Variants in HCN1 observed in about 807,000 individuals in gnomAD.
The protein encoded by HCN1 is hyperpolarization activated cyclic nucleotide gated potassium channel 1.
Under a neutral mutation model 78.9 loss-of-function variants are expected in HCN1, and 13 were observed. The ratio of observed to expected loss-of-function variants is 0.16; its 90% CI spans 0.11 to 0.26. The LOEUF (loss-of-function observed/expected upper bound fraction) is 0.26. HCN1 is among the 10% of genes least tolerant of loss of function. HCN1 has a pLI of 1.00. For missense variants in HCN1, 810 were observed against 1,154.3 expected (o/e 0.70, Z 4.32); for synonymous variants, 552 against 455.5 (o/e 1.21, Z -2.70).
chr5:45,476,174 ACTCT>A (rs995457930), intron 2 of HCN1, among the ~76,000 whole-genome samples: 2 of 151,606 alleles, frequency 1.3e-5, no homozygotes, highest in South Asian at 2.1e-4. Flanking sequence ...TCTCTCTTTC[ACTCT>A]CTCTCTCTGT....
intron 3 of HCN1, among the ~76,000 whole-genome samples, chr5:45,458,276 G>T (rs188358412): frequency 1.3e-5 from 2 of 151,684 alleles, no homozygotes; most frequent in Admixed American, 1.3e-4. Context: ...TAATATTTAA[G>T]AATAAAAATA....
At chr5:45,540,353 A>C (rs1743077200) in intron 2 of HCN1, among the ~76,000 whole-genome samples, 1 of 149,414 alleles carries the variant, frequency 6.7e-6, no homozygotes, top group South Asian at 2.1e-4. Flanking sequence ...AGAGAGAGAG[A>C]GTCTCACTCT....
At chr5:45,450,720 T>C (rs1462586151) in intron 3 of HCN1, among the ~76,000 whole-genome samples, 1 of 152,174 alleles carries the variant, frequency 6.6e-6, no homozygotes, top group Non-Finnish European at 1.5e-5. Context: ...TCCATAAACT[T>C]ATATTGTTTA....
intron 4 of HCN1, among the ~76,000 whole-genome samples, chr5:45,363,771 C>T (rs1022621310): frequency 6.6e-6 from 1 of 151,952 alleles, no homozygotes; most frequent in Non-Finnish European, 1.5e-5. Flanking sequence ...GCTTTTGCTT[C>T]CTCCTCATTT....
rs745319945 is a variant in HCN1 at position 45,260,641 on chromosome 5, T to C, written c.*1280A>G. 1.3e-5 allele frequency: 2 copies of C among 152,610 alleles called. No individual in the cohort carries two copies. Among genetic ancestry groups the C allele is most frequent in the Non-Finnish European group, 2.9e-5 (2 of 68,020 alleles). 9.5% of individuals were successfully genotyped at this position (152,610 alleles called of 1,614,324 possible). On this transcript the variant is annotated 3_prime_UTR_variant, in exon 8 of 8. Transcript: ENST00000303230. The stretch of plus-strand genomic sequence containing the variant: ...AATTTATTTCTTTAAATTAATACCA[T>C]AGTAAATTACCAGCTACAGTGAAGA...
At chr5:45,619,337 C>A (rs559340813) in intron 2 of HCN1, among the ~76,000 whole-genome samples, 1 of 152,062 alleles carries the variant, frequency 6.6e-6, no homozygotes, top group African/African-American at 2.4e-5. Context: ...AACTATGGAT[C>A]CCTAGAAAAA....
chr5:45,415,936 T>G lies in HCN1; in HGVS notation c.1012-19226A>C, dbSNP rs1288029151. On this transcript the variant is annotated intron_variant, in intron 3 of 7. Transcript: ENST00000303230. The stretch of plus-strand genomic sequence containing the variant: ...ATGTCATCCTGTTTGATAATGTACC[T>G]TAAGTTATGTTGTAAGTTAAAAAGC... Among the ~76,000 whole-genome samples, 3 of 152,036 alleles carry G rather than the reference T, an allele frequency of 2.0e-5. No individual in the cohort carries two copies. In the South Asian group the frequency reaches 6.2e-4, roughly 31 times the overall value.
rs183404592 is a variant in HCN1 at position 45,302,171 on chromosome 5, A to G, written c.1618+1428T>C. 5.9e-5 allele frequency among the ~76,000 whole-genome samples: 9 copies of G among 152,156 alleles called. No individual in the cohort carries two copies. The East Asian group carries it at 1.7e-3, about 30-fold the overall frequency. ...GTCCCCCCAACAAATTTCATCTCAA[A>G]TTGTAATCACCATGTGTTAAGGGCG... On this transcript the variant is annotated intron_variant, in intron 6 of 7. Transcript: ENST00000303230.
Position 45,319,561 on chromosome 5 carries a change from T to C in HCN1, c.1378-15722A>G, listed in dbSNP as rs570356290. ...TTTCCCCCTTTTTCTATGTTAAGAGTTCTTCTTATACTCTTGACATGAGTT... is the reference window on the plus strand; with the variant it reads ...TTTCCCCCTTTTTCTATGTTAAGAGCTCTTCTTATACTCTTGACATGAGTT... On this transcript the variant is annotated intron_variant, in intron 5 of 7. Coordinates refer to ENST00000303230, the MANE Select transcript of HCN1 (RefSeq NM_021072.4). Among the ~76,000 whole-genome samples, 336 of 151,600 alleles carry C rather than the reference T, an allele frequency of 2.2e-3. 3 individuals are homozygous for C. Among genetic ancestry groups the C allele is most frequent in the African/African-American group, 7.9e-3 (326 of 41,452 alleles).
intron 1 of HCN1, among the ~76,000 whole-genome samples, chr5:45,682,121 A>T (rs1739712190): frequency 6.6e-6 from 1 of 152,020 alleles, no homozygotes; most frequent in South Asian, 2.1e-4. Context: ...CACACCAGAT[A>T]GCAAATCAAC....
Position 45,586,563 on chromosome 5 carries a change from T to C in HCN1, c.849+58622A>G, listed in dbSNP as rs140434685. Among the ~76,000 whole-genome samples the C allele has an allele frequency of 7.3e-3, 1,113 of 152,256 alleles. 7 individuals carry two copies. Among genetic ancestry groups the C allele is most frequent in the Middle Eastern group, 0.017 (5 of 294 alleles). On this transcript the variant is annotated intron_variant, in intron 2 of 7. Coordinates refer to ENST00000303230, the MANE Select transcript of HCN1 (RefSeq NM_021072.4). ...CACTGTCTGACACTCCCCAGTAAGA[T>C]GAACCCGGTACCTCAGTTGGAAATG...
At chr5:45,376,046 T>C (rs1391351524) in intron 4 of HCN1, among the ~76,000 whole-genome samples, 4 of 112,936 alleles carry the variant, frequency 3.5e-5, no homozygotes, top group South Asian at 2.6e-4. Context: ...TATTTTATAA[T>C]ATATATTATA....
chr5:45,359,313 G>A (rs1747066147), intron 4 of HCN1, among the ~76,000 whole-genome samples: 1 of 151,216 alleles, frequency 6.6e-6, no homozygotes, highest in South Asian at 2.1e-4. Flanking sequence ...CATCAAATCA[G>A]AGGGAACTTT....
At chr5:45,385,280 C>T (rs555051040) in intron 4 of HCN1, among the ~76,000 whole-genome samples, 2 of 152,014 alleles carry the variant, frequency 1.3e-5, no homozygotes, top group South Asian at 2.1e-4. Context: ...TTACATTGCT[C>T]ATAGGAGGGA....
At chr5:45,277,175 A>C (rs753040638) in intron 6 of HCN1, among the ~76,000 whole-genome samples, 8 of 152,118 alleles carry the variant, frequency 5.3e-5, no homozygotes, top group Non-Finnish European at 1.0e-4. Context: ...CTTGCCATTT[A>C]TGGGAAAGAT....
In HCN1 at chr5:45,469,668, A is replaced by C. The variant is rs191046571; in HGVS notation, c.850-7661T>G. 6.2e-4 allele frequency among the ~76,000 whole-genome samples: 95 copies of C among 152,048 alleles called. 1 individual carries two copies. Among genetic ancestry groups the C allele is most frequent in the African/African-American group, 2.2e-3 (90 of 41,524 alleles). On this transcript the variant is annotated intron_variant, in intron 2 of 7. Transcript: ENST00000303230. ...TTATTTTCTGAAGTTTTTTTCTAAA[A>C]TTTATCCTGAGAATTCAAAATAAAA...
intron 4 of HCN1, among the ~76,000 whole-genome samples, chr5:45,362,938 T>C (rs1052154755): frequency 6.6e-6 from 1 of 151,708 alleles, no homozygotes; most frequent in African/African-American, 2.4e-5. Context: ...GTTATCTAAC[T>C]TTCTACTTCT....
intron 2 of HCN1, among the ~76,000 whole-genome samples, chr5:45,552,416 A>G (rs1370341339): frequency 6.6e-6 from 1 of 152,000 alleles, no homozygotes; most frequent in African/African-American, 2.4e-5. Flanking sequence ...TTTCCTTTGC[A>G]GTGCAGCAAT....
chr5:45,398,045 T>C (rs1305783536), intron 3 of HCN1, among the ~76,000 whole-genome samples: 2 of 151,802 alleles, frequency 1.3e-5, no homozygotes, highest in East Asian at 3.9e-4. Context: ...TTAAACCTAT[T>C]AGGAGTATTT....
Sources: gnomAD v4.1 joint callset for allele counts (sites outside exome capture counted in the v4.1 genomes callset) on GRCh38, gnomAD v4.1.1 for gene constraint, MANE v1.5 for transcripts, NCBI Gene and HGNC (gene_info 2026-07-23, HGNC 2026-07-21) for gene names.